SIPA1L3: variants seen among roughly 807,000 people sequenced by gnomAD.
The protein encoded by SIPA1L3 is signal-induced proliferation-associated 1-like protein 3.
SIPA1L3 carries 59 observed loss-of-function variants against 150.1 expected under a neutral mutation model. That is an observed-to-expected ratio of 0.39 (90% CI 0.32 to 0.49). The LOEUF is 0.49. SIPA1L3 is among the 20% of genes least tolerant of loss of function. The pLI is 0.86. For synonymous variants in SIPA1L3, 1,070 were observed against 1,077.6 expected (o/e 0.99, Z 0.14); for missense variants, 2,211 against 2,489.5 (o/e 0.89, Z 2.38).
chr19:38,188,234 G>A (rs1972731173), intron 16 of SIPA1L3, among the ~76,000 whole-genome samples: 1 of 151,754 alleles, frequency 6.6e-6, no homozygotes, highest in African/African-American at 2.4e-5. Context: ...TGCCCAAGCT[G>A]GAGCACAGTG....
In SIPA1L3 at chr19:38,101,231, G is replaced by A. The variant is rs1050926576; in HGVS notation, c.2029+5G>A. 6.5e-7 allele frequency: 1 copy of A among 1,535,158 alleles called. No homozygotes were observed. Among genetic ancestry groups the A allele is most frequent in the Non-Finnish European group, 8.8e-7 (1 of 1,136,814 alleles). On this transcript the variant is annotated splice_donor_5th_base_variant and intron_variant, in intron 6 of 21. Transcript: ENST00000222345. ...CTGCCCAGCTGGACGTCAAGAGTAA[G>A]TAGGGGGCCGGTTAGATCACAGTGA...
At chr19:38,185,655 T>TAGC (rs1972661110) in intron 16 of SIPA1L3, 2 of 152,156 alleles carry the variant, frequency 1.3e-5, no homozygotes. Context: ...GCCTCCCTCT[T>TAGC]AGCAGCCGGT....
intron 2 of SIPA1L3, among the ~76,000 whole-genome samples, chr19:38,040,143 G>A (rs1322069325): frequency 2.0e-5 from 3 of 152,244 alleles, no homozygotes; most frequent in Non-Finnish European, 4.4e-5. Context: ...GACTCAAAAT[G>A]TTCCGTATAT....
In SIPA1L3 at chr19:38,206,157, C is replaced by A. The variant is rs1254471170; in HGVS notation, c.5263C>A (p.Arg1755=). ...EVASLRQNNQ[R]LQEESQAASE... is the part of the protein sequence containing the mutation. ...GGCCAGCCTGCGGCAGAACAACCAG[C>A]GGCTGCAGGAGGAGTCGCAGGCCGC... The change falls in exon 22 of 22, where the codon CGG becomes AGG. Residue 1755 remains arginine (R), a synonymous_variant. Transcript: ENST00000222345. The A allele has an allele frequency of 6.4e-7, 1 of 1,551,546 alleles. No homozygotes were observed. The highest frequency in any genetic ancestry group is 1.2e-5 in the South Asian group (1 of 83,990).
Position 38,081,530 on chromosome 19 carries a change from C to T in SIPA1L3, c.-36C>T, listed in dbSNP as rs370123508. The T allele has an allele frequency of 1.5e-5, 23 of 1,529,090 alleles. No homozygotes were observed. Among genetic ancestry groups the T allele is most frequent in the South Asian group, 9.9e-5 (8 of 80,516 alleles). The allele number at this position is 1,529,090 out of a possible 1,614,324, so 94.7% of individuals were successfully genotyped here. On this transcript the variant is annotated 5_prime_UTR_variant, in exon 3 of 22. Transcript: ENST00000222345. The stretch of plus-strand genomic sequence containing the variant: ...GGGACCCCATAGAGTGACACCACAG[C>T]GTACGGGGCCAGCAGCACTCCAGTG...
chr19:38,109,015 A>G (rs1955441710), intron 7 of SIPA1L3, among the ~76,000 whole-genome samples: 1 of 152,098 alleles, frequency 6.6e-6, no homozygotes, highest in Non-Finnish European at 1.5e-5. Flanking sequence ...AAAGAAAAAG[A>G]ACAATATAAT....
At chr19:38,117,910 C>T (rs540698676) in intron 8 of SIPA1L3, among the ~76,000 whole-genome samples, 268 of 152,210 alleles carry the variant, frequency 1.8e-3, no homozygotes, top group South Asian at 2.7e-3. Context: ...CTCAGCCTCC[C>T]GAGTAGCTGG....
chr19:38,108,886 G>A (rs1289804938), intron 7 of SIPA1L3, among the ~76,000 whole-genome samples: 2 of 152,172 alleles, frequency 1.3e-5, no homozygotes, highest in African/African-American at 4.8e-5. Flanking sequence ...CTACTCAGGA[G>A]GCTGAGGCAG....
intron 1 of SIPA1L3, among the ~76,000 whole-genome samples, chr19:37,947,129 GAT>G (rs2046718814): frequency 6.6e-6 from 1 of 152,092 alleles, no homozygotes; most frequent in African/African-American, 2.4e-5. Flanking sequence ...TGGAGTTCAA[GAT>G]TATAGTGAGC....
chr19:38,000,036 C>T (rs187209327), intron 1 of SIPA1L3, among the ~76,000 whole-genome samples: 2 of 152,272 alleles, frequency 1.3e-5, no homozygotes, highest in East Asian at 1.9e-4. Context: ...GTACCTGCCT[C>T]GTAGGATTTA....
chr19:37,994,302 A>G (rs185470551), intron 1 of SIPA1L3, among the ~76,000 whole-genome samples: 1 of 152,304 alleles, frequency 6.6e-6, no homozygotes, highest in Admixed American at 6.5e-5. Flanking sequence ...AAAAGTGAGT[A>G]TAGTTAAAGT....
At chr19:38,024,523 C>T (rs1170491898) in intron 1 of SIPA1L3, among the ~76,000 whole-genome samples, 1 of 152,046 alleles carries the variant, frequency 6.6e-6, no homozygotes. Context: ...TCCTGGGGGT[C>T]TCGGGGAGCC....
intron 8 of SIPA1L3, among the ~76,000 whole-genome samples, chr19:38,116,396 T>G (rs553461684): frequency 1.3e-5 from 2 of 150,970 alleles, no homozygotes; most frequent in South Asian, 4.2e-4. Flanking sequence ...TAATCCCAGC[T>G]ACTCAGGAGG....
At chr19:38,153,732 A>C (rs1477105352) in intron 13 of SIPA1L3, among the ~76,000 whole-genome samples, 1 of 151,768 alleles carries the variant, frequency 6.6e-6, no homozygotes, top group Non-Finnish European at 1.5e-5. Context: ...TCAGGAATTC[A>C]AGACCAGCCT....
intron 1 of SIPA1L3, among the ~76,000 whole-genome samples, chr19:37,965,315 T>TA (rs1454058523): frequency 6.9e-6 from 1 of 144,456 alleles, no homozygotes; most frequent in Non-Finnish European, 1.5e-5. Context: ...TTTATATTTC[T>TA]AGTTTTTTTT....
chr19:38,195,104 C>T lies in SIPA1L3; in HGVS notation c.4840+1324C>T, dbSNP rs558605629. Among the ~76,000 whole-genome samples the T allele has an allele frequency of 3.3e-5, 5 of 152,270 alleles. No individual in the cohort carries two copies. The South Asian group carries it at 8.3e-4, about 25-fold the overall frequency. ...CGTTGCCTTGGCATTTGCATCTGCACTCCTTGCCCTGGTGGTGTGGGGTGC... is the reference window on the plus strand; with the variant it reads ...CGTTGCCTTGGCATTTGCATCTGCATTCCTTGCCCTGGTGGTGTGGGGTGC... On this transcript the variant is annotated intron_variant, in intron 18 of 21. Coordinates refer to ENST00000222345, the MANE Select transcript of SIPA1L3 (RefSeq NM_015073.3).
intron 8 of SIPA1L3, among the ~76,000 whole-genome samples, chr19:38,110,850 T>C (rs967964538): frequency 1.3e-5 from 2 of 151,892 alleles, no homozygotes; most frequent in Non-Finnish European, 2.9e-5. Flanking sequence ...ACTGGCCCAG[T>C]TGGAGTCGTG....
At chr19:38,201,347 T>C (rs1973083280) in intron 19 of SIPA1L3, among the ~76,000 whole-genome samples, 1 of 152,246 alleles carries the variant, frequency 6.6e-6, no homozygotes, top group East Asian at 1.9e-4. Flanking sequence ...GGCAGCCCCG[T>C]GCGATTTCTT....
intron 4 of SIPA1L3, among the ~76,000 whole-genome samples, chr19:38,093,294 G>A (rs950965203): frequency 6.6e-6 from 1 of 152,204 alleles, no homozygotes; most frequent in Non-Finnish European, 1.5e-5. Context: ...CGAACAGCCA[G>A]TGCAGAGGTC....
Sources: allele counts gnomAD v4.1 joint callset (sites outside exome capture counted in the v4.1 genomes callset), GRCh38; gene constraint gnomAD v4.1.1; transcripts MANE v1.5; gene names NCBI Gene and HGNC (gene_info 2026-07-23, HGNC 2026-07-21).